Variants in FGD6 observed in about 807,000 individuals in gnomAD.
FGD6 encodes FYVE, RhoGEF and PH domain containing 6, also known as FYVE, RhoGEF and PH domain-containing protein 6.
Under a neutral mutation model 149.4 loss-of-function variants are expected in FGD6, and 90 were observed. The observed-to-expected ratio is 0.60, with a 90% CI of 0.51 to 0.72. The LOEUF (loss-of-function observed/expected upper bound fraction) is 0.72. FGD6 is among the 30% of genes least tolerant of loss of function. The probability of loss-of-function intolerance (pLI) is 0.00; values close to 1 mark genes in which losing one functional copy is unlikely to be tolerated. For missense variants in FGD6, 1,437 were observed against 1,684.8 expected (o/e 0.85, Z 2.57); for synonymous variants, 527 against 584.0 (o/e 0.90, Z 1.41).
At chr12:95,173,827 A>G (rs1300674830) in intron 2 of FGD6, among the ~76,000 whole-genome samples, 1 of 152,156 alleles carries the variant, frequency 6.6e-6, no homozygotes, top group African/African-American at 2.4e-5. Context: ...AGCAGGTCAC[A>G]GGCAGGTCAC....
chr12:95,084,385 T>A, intron 20 of FGD6, 113 bp downstream of exon 20: 1 of 840,324 alleles, frequency 1.2e-6, no homozygotes, highest in South Asian at 2.4e-5. Context: ...CTAATTAAAA[T>A]CTCTGATGTA....
At chr12:95,206,822 A>G (rs1322370755) in intron 2 of FGD6, among the ~76,000 whole-genome samples, 1 of 152,184 alleles carries the variant, frequency 6.6e-6, no homozygotes, top group Non-Finnish European at 1.5e-5. Flanking sequence ...AAAATTAGAC[A>G]AGGGAGGAAA....
At chr12:95,099,351 G>A (rs1288032038) in intron 14 of FGD6, among the ~76,000 whole-genome samples, 3 of 152,154 alleles carry the variant, frequency 2.0e-5, no homozygotes, top group Non-Finnish European at 4.4e-5. Context: ...ACGCAGATCC[G>A]TGCTGATGGA....
At position 95,209,363 on chromosome 12, in the gene FGD6, T is replaced by G. The variant is rs747664708; in HGVS notation, c.1921A>C (p.Lys641Gln). The G allele has an allele frequency of 1.1e-5, 17 of 1,613,438 alleles. No homozygotes were observed. The highest frequency in any genetic ancestry group is 1.4e-5 in the Non-Finnish European group (16 of 1,179,658). ...LSMKLSICFM[K>Q]SDFQKFWSKS... ...GACCAAAATTTTTGAAAGTCACTCT[T>G]CATGAAACAGATGGACAGTTTCATG... Residue 641 changes from lysine to glutamine, a missense_variant, in exon 2 of 21, where the codon AAG becomes CAG. Lys to Gln is a moderately conservative substitution (Grantham distance 53, BLOSUM62 1). Transcript: ENST00000343958.
At chr12:95,130,269 A>G (rs1879481638) in intron 8 of FGD6, among the ~76,000 whole-genome samples, 1 of 152,134 alleles carries the variant, frequency 6.6e-6, no homozygotes, top group Non-Finnish European at 1.5e-5. Context: ...TTCCAGAAGA[A>G]ACCATCTTAT....
intron 3 of FGD6, among the ~76,000 whole-genome samples, chr12:95,157,468 A>G (rs1880505478): frequency 6.7e-6 from 1 of 150,354 alleles, no homozygotes; most frequent in South Asian, 2.1e-4. Context: ...TGGGAGGCTG[A>G]GGCAGGAGAA....
intron 2 of FGD6, among the ~76,000 whole-genome samples, chr12:95,202,986 T>C (rs940287253): frequency 1.3e-5 from 2 of 152,290 alleles, no homozygotes; most frequent in Non-Finnish European, 2.9e-5. Context: ...AACATGGAAA[T>C]GTTCATAGGC....
intron 2 of FGD6, among the ~76,000 whole-genome samples, chr12:95,182,027 A>G (rs1051713916): frequency 3.3e-5 from 5 of 151,966 alleles, no homozygotes; most frequent in African/African-American, 9.7e-5. Context: ...AAAACGAAAA[A>G]GTTTTAAGAC....
Position 95,141,724 on chromosome 12 carries a change from A to G in FGD6, c.2686-185T>C, listed in dbSNP as rs545095091. Among the ~76,000 whole-genome samples the G allele has an allele frequency of 1.7e-4, 26 of 152,308 alleles. No homozygotes were observed. The South Asian group carries it at 4.2e-3, about 24-fold the overall frequency. ...CACCTAGATAGGAAATTAAAAATAA[A>G]AAATAGTGAGACGATTATTTGATTT... On this transcript the variant is annotated intron_variant, in intron 5 of 20. Transcript: ENST00000343958.
At chr12:95,113,216 A>G (rs1033436183) in intron 9 of FGD6, among the ~76,000 whole-genome samples, 4 of 145,734 alleles carry the variant, frequency 2.7e-5, no homozygotes, top group African/African-American at 7.6e-5. Context: ...TGGAGTTTCC[A>G]GGAAGGCCTC....
At chr12:95,131,732 C>A (rs1035275717) in intron 8 of FGD6, among the ~76,000 whole-genome samples, 3 of 152,126 alleles carry the variant, frequency 2.0e-5, no homozygotes, top group African/African-American at 4.8e-5. Flanking sequence ...CACTTTTCCC[C>A]CTTCCCAAAT....
rs1877725120 is a variant in FGD6, at chr12:95,082,886, C to CCTGTAAT, written c.4257-1337_4257-1331dup. Among the ~76,000 whole-genome samples, 3 of 146,234 alleles carry CCTGTAAT rather than the reference C, an allele frequency of 2.1e-5. No individual in the cohort carries two copies. In the East Asian group the frequency reaches 6.0e-4, roughly 29 times the overall value. On this transcript the variant is annotated intron_variant, in intron 20 of 20. Transcript: ENST00000343958. ...TGTAGGCTGGGCATGGTGGCTCACA[C>CCTGTAAT]CTGTAATTCCAGCACTTTGAGAGGC...
chr12:95,108,334 T>C lies in FGD6; in HGVS notation c.3264+14A>G, dbSNP rs755404238. The C allele has an allele frequency of 2.1e-5, 34 of 1,611,336 alleles. No individual in the cohort carries two copies. The Admixed American group carries it at 5.5e-4, about 26-fold the overall frequency. On this transcript the variant is annotated intron_variant, in intron 11 of 20. Transcript: ENST00000343958. Reference sequence around the variant, plus strand: ...ATCGTATTAAGTTTGCGAAAAGCAATGTAAAATGCTTACCCGACCAGGCTG... The same window carrying C: ...ATCGTATTAAGTTTGCGAAAAGCAACGTAAAATGCTTACCCGACCAGGCTG...
At chr12:95,125,322 T>C (rs1879301081) in intron 8 of FGD6, among the ~76,000 whole-genome samples, 1 of 152,124 alleles carries the variant, frequency 6.6e-6, no homozygotes, top group Admixed American at 6.6e-5. Context: ...CCCTAAACAC[T>C]TTCCATAGCA....
Position 95,104,988 on chromosome 12 carries a change from A to T in FGD6, c.3497+19T>A. 4 of 1,407,670 alleles carry T rather than the reference A, an allele frequency of 2.8e-6. No homozygotes were observed. Among genetic ancestry groups the T allele is most frequent in the Non-Finnish European group, 2.9e-6 (3 of 1,043,614 alleles). The allele number at this position is 1,407,670 out of a possible 1,614,324, so 87.2% of individuals were successfully genotyped here. On this transcript the variant is annotated intron_variant, in intron 14 of 20. Coordinates refer to ENST00000343958, the MANE Select transcript of FGD6 (RefSeq NM_018351.4). ...CAGAATGAGAAAAAAAAAAAAAAAA[A>T]GAAGAAGAAAAAATTTACCTGGCTG... is the stretch of plus-strand genomic sequence containing the variant.
At chr12:95,208,761 TCCCC>T in intron 2 of FGD6, 78 bp downstream of exon 2, 1 of 1,472,784 alleles carries the variant, frequency 6.8e-7, no homozygotes, top group Admixed American at 2.5e-5. Flanking sequence ...GTGTTTTTTT[TCCCC>T]CTGCATTCCT....
chr12:95,109,728 T>C (rs1365053788), intron 9 of FGD6, among the ~76,000 whole-genome samples: 3 of 152,076 alleles, frequency 2.0e-5, no homozygotes, highest in African/African-American at 7.2e-5. Context: ...CTGGGTGTCG[T>C]GGCTCATGTC....
chr12:95,151,295 G>C (rs1486102256), intron 5 of FGD6, among the ~76,000 whole-genome samples: 2 of 152,116 alleles, frequency 1.3e-5, no homozygotes, highest in South Asian at 2.1e-4. Context: ...TTTTGAGACA[G>C]AGTCTTGATC....
At chr12:95,110,590 A>G (rs533008535) in intron 9 of FGD6, among the ~76,000 whole-genome samples, 2 of 148,394 alleles carry the variant, frequency 1.3e-5, no homozygotes, top group East Asian at 2.1e-4. Context: ...TCCTGACCTC[A>G]GGTGATCCAC....
Sources: gnomAD v4.1 joint callset for allele counts (sites outside exome capture counted in the v4.1 genomes callset) on GRCh38, gnomAD v4.1.1 for gene constraint, MANE v1.5 for transcripts, NCBI Gene and HGNC (gene_info 2026-07-23, HGNC 2026-07-21) for gene names.